The following CLMN variants were observed in gnomAD, a reference collection of about 807,000 sequenced individuals.
CLMN encodes calmin (calponin-like, transmembrane).
Under a neutral mutation model 92.7 loss-of-function variants are expected in CLMN, and 57 were observed. The ratio of observed to expected loss-of-function variants is 0.61; its 90% CI spans 0.50 to 0.77. The LOEUF (loss-of-function observed/expected upper bound fraction) is 0.77. Among genes scored for constraint, CLMN ranks in the 30% least tolerant of loss-of-function variants. CLMN has a pLI of 0.00. For synonymous variants in CLMN, 466 were observed against 470.6 expected (o/e 0.99, Z 0.13); for missense variants, 1,158 against 1,237.5 (o/e 0.94, Z 0.96).
At chr14:95,250,736 T>G (rs1186658191) in intron 1 of CLMN, among the ~76,000 whole-genome samples, 1 of 152,240 alleles carries the variant, frequency 6.6e-6, no homozygotes, top group East Asian at 1.9e-4. Context: ...GTCACCCCGT[T>G]AAGTCAGGAA....
At chr14:95,236,391 C>A (rs1343689045) in intron 1 of CLMN, among the ~76,000 whole-genome samples, 1 of 152,260 alleles carries the variant, frequency 6.6e-6, no homozygotes, top group East Asian at 1.9e-4. Context: ...ACATCTCGCG[C>A]AGCTTGGAAT....
rs765541451 is a variant in CLMN, at chr14:95,194,535, C to A, written c.2769+1G>T. Reference sequence around the variant, plus strand: ...GAAAGAGAAGAAATTCACATACTAACCGATTCCGAAGACCTATGAGTATGT... The same window carrying A: ...GAAAGAGAAGAAATTCACATACTAAACGATTCCGAAGACCTATGAGTATGT... On this transcript the variant is annotated splice_donor_variant, in intron 11 of 12. Transcript: ENST00000298912. LOFTEE classifies it high-confidence loss of function. The surrounding 1 kb of genome is among the most constrained non-coding windows in gnomAD (Gnocchi z 4.0). The A allele has an allele frequency of 6.2e-7, 1 of 1,614,134 alleles. No individual in the cohort carries two copies. Among genetic ancestry groups the A allele is most frequent in the Non-Finnish European group, 8.5e-7 (1 of 1,180,030 alleles).
At chr14:95,249,056 G>C (rs1293139530) in intron 1 of CLMN, among the ~76,000 whole-genome samples, 1 of 148,872 alleles carries the variant, frequency 6.7e-6, no homozygotes, top group Non-Finnish European at 1.5e-5. Context: ...AATTACAACA[G>C]AAAAAAAGGC....
At position 95,202,936 on chromosome 14, in the gene CLMN, C is replaced by A; in HGVS notation, c.2413G>T (p.Val805Leu). The A allele has an allele frequency of 6.2e-7, 1 of 1,613,190 alleles. No individual in the cohort carries two copies. Among genetic ancestry groups the A allele is most frequent in the Non-Finnish European group, 8.5e-7 (1 of 1,179,664 alleles). The change falls in exon 9 of 13, where the codon GTG becomes TTG. Residue 805 changes from valine to leucine, a missense_variant. Physicochemically the swap from Val to Leu is conservative, Grantham distance 32. Transcript: ENST00000298912. ...DQVLYLSRGG[V>L]GTTPASEPAP... is the part of the protein sequence containing the mutation. ...GGTTCTGAGGCTGGTGTGGTACCCACACCACCCCTGCTGAGATACAGCACC... is the reference window on the plus strand; with the variant it reads ...GGTTCTGAGGCTGGTGTGGTACCCAAACCACCCCTGCTGAGATACAGCACC...
At chr14:95,262,588 C>T (rs568216423) in intron 1 of CLMN, among the ~76,000 whole-genome samples, 18 of 152,216 alleles carry the variant, frequency 1.2e-4, no homozygotes, top group African/African-American at 4.1e-4. Flanking sequence ...ATTTTTGAGA[C>T]AGGATCTTAC....
intron 1 of CLMN, among the ~76,000 whole-genome samples, chr14:95,286,771 A>G (rs887775525): frequency 6.6e-6 from 1 of 152,186 alleles, no homozygotes; most frequent in African/African-American, 2.4e-5. Flanking sequence ...GGCAGAGAGA[A>G]CAGTGAGTTC....
rs371099349 is a variant in CLMN, at chr14:95,214,582, G to A, written c.417+1059C>T. 7.2e-5 allele frequency among the ~76,000 whole-genome samples: 11 copies of A among 151,986 alleles called. No individual in the cohort carries two copies. The East Asian group carries it at 1.2e-3, about 16-fold the overall frequency. On this transcript the variant is annotated intron_variant, in intron 5 of 12. Coordinates refer to ENST00000298912, the MANE Select transcript of CLMN (RefSeq NM_024734.4). The stretch of plus-strand genomic sequence containing the variant: ...CCAGGGCTGATGTTGGAACTCCTGG[G>A]CTCAAGCGACCCTGCCGCCATGGCC...
chr14:95,224,770 C>T (rs943981222), intron 2 of CLMN, among the ~76,000 whole-genome samples: 6 of 152,226 alleles, frequency 3.9e-5, no homozygotes, highest in Admixed American at 6.5e-5. Flanking sequence ...GGATTCAATA[C>T]GGCATCAGTA....
chr14:95,245,236 TATTA>T (rs1346410176), intron 1 of CLMN, among the ~76,000 whole-genome samples: 6 of 31,826 alleles, frequency 1.9e-4, no homozygotes, highest in Admixed American at 1.4e-3. Flanking sequence ...TATATATATA[TATTA>T]TATATATATA....
intron 2 of CLMN, among the ~76,000 whole-genome samples, chr14:95,227,017 C>T (rs892603733): frequency 2.0e-5 from 3 of 152,150 alleles, no homozygotes; most frequent in African/African-American, 7.2e-5. Context: ...TGGGCATTCA[C>T]ATGGGAGATA....
At chr14:95,251,180 C>T (rs762197230) in intron 1 of CLMN, among the ~76,000 whole-genome samples, 4 of 152,142 alleles carry the variant, frequency 2.6e-5, no homozygotes, top group Non-Finnish European at 2.9e-5. Context: ...CCAAAGGCAA[C>T]GTCCATCTTC....
chr14:95,223,618 G>C (rs1040092016), intron 3 of CLMN, 142 bp downstream of exon 3: 41 of 596,146 alleles, frequency 6.9e-5, no homozygotes, highest in Non-Finnish European at 5.8e-6. Flanking sequence ...TGACTATATG[G>C]CTTGTAGGCA....
rs150763369 is a variant in CLMN, at chr14:95,202,850, C to T, written c.2499G>A (p.Met833Ile). 4.0e-5 allele frequency: 62 copies of T among 1,533,944 alleles called. No homozygotes were observed. The African/African-American group carries it at 8.1e-4, about 20-fold the overall frequency. ...QQRETKENDP[M>I]DSHQSQESPN... The stretch of plus-strand genomic sequence containing the variant: ...CACGGTTGAGTACCTGATGGCTGTC[C>T]ATGGGGTCATTCTCTTTGGTCTCCC... The change falls in exon 9 of 13, where the codon ATG (methionine) becomes ATA (isoleucine). Residue 833 changes from methionine (M) to isoleucine (I), a missense_variant. Physicochemically the swap from Met to Ile is conservative, Grantham distance 10 (BLOSUM62 1). Transcript: ENST00000298912.
chr14:95,258,523 GA>G, intron 1 of CLMN, among the ~76,000 whole-genome samples: 1 of 149,004 alleles, frequency 6.7e-6, no homozygotes, highest in East Asian at 2.0e-4. Flanking sequence ...TGTGGTGTGT[GA>G]TGTGTGCGGA....
intron 1 of CLMN, among the ~76,000 whole-genome samples, chr14:95,275,348 C>G (rs1467288610): frequency 2.0e-5 from 3 of 152,122 alleles, no homozygotes; most frequent in Admixed American, 2.0e-4. Flanking sequence ...GCCAAAACCT[C>G]CCCAAACTAA....
chr14:95,204,467 C>A lies in CLMN; in HGVS notation c.886-4G>T, dbSNP rs1217048564. The A allele has an allele frequency of 7.8e-4, 1,072 of 1,381,592 alleles. No homozygotes were observed. Among genetic ancestry groups the A allele is most frequent in the South Asian group, 2.9e-3 (189 of 65,820 alleles). The allele number at this position is 1,381,592 out of a possible 1,614,324, so 85.6% of individuals were successfully genotyped here. A position where few individuals can be genotyped will look rare whatever the true frequency, so the allele number is the denominator to read the frequency against. Reference sequence around the variant, plus strand: ...TATCTGAATCGAAAATATCTTCCTGCAAAAAAAAACAAAAACAAACAAACA... The same window carrying A: ...TATCTGAATCGAAAATATCTTCCTGAAAAAAAAAACAAAAACAAACAAACA... On this transcript the variant is annotated splice_region_variant and splice_polypyrimidine_tract_variant and intron_variant, in intron 8 of 12. Transcript: ENST00000298912.
chr14:95,279,301 T>C (rs535654568), intron 1 of CLMN, among the ~76,000 whole-genome samples: 2 of 152,364 alleles, frequency 1.3e-5, no homozygotes, highest in East Asian at 3.9e-4. Context: ...ATTAGGTTTG[T>C]TAAATGCTTT....
chr14:95,279,729 G>T (rs1165242620), intron 1 of CLMN, among the ~76,000 whole-genome samples: 1 of 152,222 alleles, frequency 6.6e-6, no homozygotes, highest in Non-Finnish European at 1.5e-5. Flanking sequence ...CTTGCAGTGA[G>T]CCAAGATCAT....
intron 1 of CLMN, among the ~76,000 whole-genome samples, chr14:95,283,286 G>A (rs565573934): frequency 5.3e-5 from 8 of 152,198 alleles, no homozygotes; most frequent in Non-Finnish European, 7.4e-5. Context: ...TTCACCTTCC[G>A]CCACGATGCT....
Sources: allele counts gnomAD v4.1 joint callset (sites outside exome capture counted in the v4.1 genomes callset), GRCh38; gene constraint gnomAD v4.1.1; non-coding constraint Gnocchi (gnomAD v3.1); transcripts MANE v1.5; gene names NCBI Gene and HGNC (gene_info 2026-07-23, HGNC 2026-07-21).